Variants in TRIO observed in about 807,000 individuals in gnomAD.
TRIO encodes the protein trio Rho guanine nucleotide exchange factor.
Under a neutral mutation model 351.9 loss-of-function variants are expected in TRIO, and 58 were observed. The ratio of observed to expected loss-of-function variants is 0.16; its 90% CI spans 0.13 to 0.21. TRIO has a LOEUF of 0.21. TRIO is among the 10% of genes least tolerant of loss of function. The pLI, the probability that TRIO is intolerant of heterozygous loss-of-function variation, is 1.00. For synonymous variants in TRIO, 1,758 were observed against 1,595.7 expected (o/e 1.10, Z -2.42); for missense variants, 3,201 against 4,027.8 (o/e 0.79, Z 5.56).
chr5:14,193,560 C>T (rs186639116), intron 1 of TRIO, among the ~76,000 whole-genome samples: 108 of 152,144 alleles, frequency 7.1e-4, no homozygotes, highest in Middle Eastern at 3.4e-3. Context: ...GGAATCATTC[C>T]GTCATCTCAT....
At chr5:14,408,005 C>G (rs1399479993) in intron 33 of TRIO, among the ~76,000 whole-genome samples, 2 of 152,232 alleles carry the variant, frequency 1.3e-5, no homozygotes, top group Non-Finnish European at 1.5e-5. Flanking sequence ...AGTCAGACCT[C>G]ATTTCATGAG....
intron 3 of TRIO, among the ~76,000 whole-genome samples, chr5:14,285,193 G>A (rs781411436): frequency 3.3e-5 from 5 of 152,142 alleles, no homozygotes; most frequent in Non-Finnish European, 5.9e-5. Flanking sequence ...ATGGCATGAG[G>A]AGTATTTGAA....
intron 40 of TRIO, among the ~76,000 whole-genome samples, chr5:14,476,255 T>C (rs1755064940): frequency 6.6e-6 from 1 of 152,224 alleles, no homozygotes; most frequent in Non-Finnish European, 1.5e-5. Context: ...TATTTTTCAC[T>C]CATTATTCAG....
At position 14,290,976 on chromosome 5, in the gene TRIO, G is replaced by T. The variant is rs749392222; in HGVS notation, c.801G>T (p.Val267=). ...AACATTCTCAGCTGAAGAAGAAGGT[G>T]ATTAAGGCCCCCATCGAGGACCTGG... ...IEEHSQLKKK[V]IKAPIEDLDL... The change falls in exon 5 of 57, where the codon GTG becomes GTT. Residue 267 remains valine, a synonymous_variant. Coordinates refer to ENST00000344204, the MANE Select transcript of TRIO (RefSeq NM_007118.4). 1 of 1,614,184 alleles carries T rather than the reference G, an allele frequency of 6.2e-7. No homozygotes were observed. The highest frequency in any genetic ancestry group is 1.1e-5 in the South Asian group (1 of 91,084).
intron 11 of TRIO, among the ~76,000 whole-genome samples, chr5:14,345,619 G>T (rs1296908433): frequency 6.6e-6 from 1 of 152,176 alleles, no homozygotes; most frequent in Admixed American, 6.5e-5. Flanking sequence ...GGAGTGCAGT[G>T]GTGTGATCTT....
chr5:14,459,009 C>T (rs1019103972), intron 34 of TRIO, among the ~76,000 whole-genome samples: 1 of 152,090 alleles, frequency 6.6e-6, no homozygotes, highest in East Asian at 1.9e-4. Flanking sequence ...GACACACATA[C>T]AGAGGGGAAA....
At chr5:14,161,930 G>T (rs1788480723) in intron 1 of TRIO, among the ~76,000 whole-genome samples, 1 of 152,146 alleles carries the variant, frequency 6.6e-6, no homozygotes, top group African/African-American at 2.4e-5. Flanking sequence ...TGGAGGCCAG[G>T]CAGGTCTCAA....
intron 7 of TRIO, among the ~76,000 whole-genome samples, chr5:14,304,196 C>T (rs1738164620): frequency 6.6e-6 from 1 of 152,160 alleles, no homozygotes; most frequent in Non-Finnish European, 1.5e-5. Context: ...TCTAGGGGCA[C>T]ACCCAGACCT....
At chr5:14,311,951 G>T (rs937025878) in intron 8 of TRIO, among the ~76,000 whole-genome samples, 1 of 152,168 alleles carries the variant, frequency 6.6e-6, no homozygotes, top group Non-Finnish European at 1.5e-5. Flanking sequence ...AAAACACTGC[G>T]TTTGGACCTA....
At chr5:14,333,457 C>T (rs993826332) in intron 10 of TRIO, among the ~76,000 whole-genome samples, 2 of 152,160 alleles carry the variant, frequency 1.3e-5, no homozygotes, top group Non-Finnish European at 2.9e-5. Flanking sequence ...TTAATTTGCA[C>T]TGTAGATGTC....
chr5:14,323,535 T>C (rs900011676), intron 9 of TRIO, among the ~76,000 whole-genome samples: 17 of 120,658 alleles, frequency 1.4e-4, no homozygotes, highest in African/African-American at 5.1e-4. Flanking sequence ...GAGAGAGGAG[T>C]TTAGTCCTTT....
intron 53 of TRIO, among the ~76,000 whole-genome samples, chr5:14,501,221 T>C (rs1401345824): frequency 6.6e-6 from 1 of 152,210 alleles, no homozygotes; most frequent in Non-Finnish European, 1.5e-5. Flanking sequence ...TTAATGCTTC[T>C]CTCTCAGTAC....
chr5:14,267,187 C>G (rs942752003), intron 1 of TRIO, among the ~76,000 whole-genome samples: 5 of 152,182 alleles, frequency 3.3e-5, no homozygotes, highest in Middle Eastern at 3.2e-3. Flanking sequence ...TCTTCTTTGT[C>G]TAGGCTTTCT....
intron 34 of TRIO, among the ~76,000 whole-genome samples, chr5:14,429,298 A>T (rs1750903522): frequency 6.6e-6 from 1 of 152,232 alleles, no homozygotes; most frequent in Non-Finnish European, 1.5e-5. Flanking sequence ...AGTGTGTGCC[A>T]GACAGACCCG....
Position 14,364,783 on chromosome 5 carries a change from G to A in TRIO, c.2721G>A (p.Val907=), listed in dbSNP as rs894550349. The stretch of plus-strand genomic sequence containing the variant: ...ATCGGAAACACCTGGAGCAGTGCGT[G>A]CAGCTGCGCCACCTGCAGGCAGAAG... ...EQHRKHLEQC[V]QLRHLQAEVK... The change falls in exon 15 of 57, where the codon GTG becomes GTA. Residue 907 remains valine, a synonymous_variant. Transcript: ENST00000344204. The A allele has an allele frequency of 8.1e-6, 13 of 1,611,546 alleles. No individual in the cohort carries two copies. In the African/African-American group the frequency reaches 1.7e-4, roughly 22 times the overall value.
At chr5:14,464,431 T>C (rs1375080748) in intron 36 of TRIO, among the ~76,000 whole-genome samples, 1 of 152,228 alleles carries the variant, frequency 6.6e-6, no homozygotes, top group Non-Finnish European at 1.5e-5. Flanking sequence ...CTGTAGTGAT[T>C]TTCCCACACA....
At chr5:14,382,385 C>G (rs1355462181) in intron 21 of TRIO, among the ~76,000 whole-genome samples, 2 of 152,250 alleles carry the variant, frequency 1.3e-5, no homozygotes, top group Admixed American at 6.5e-5. Flanking sequence ...GTCCCCAAAG[C>G]TCTCCTTTCC....
chr5:14,495,727 G>A (rs1223327540), intron 49 of TRIO, among the ~76,000 whole-genome samples: 1 of 147,780 alleles, frequency 6.8e-6, no homozygotes, highest in African/African-American at 2.5e-5. Flanking sequence ...CCAGCAGTTT[G>A]GGAGGCCAAG....
At chr5:14,385,177 C>T (rs1304191371) in intron 21 of TRIO, among the ~76,000 whole-genome samples, 1 of 152,228 alleles carries the variant, frequency 6.6e-6, no homozygotes, top group African/African-American at 2.4e-5. Flanking sequence ...TTCCTGCCCC[C>T]TCGCACTCCT....
Sources: gnomAD v4.1 joint callset for allele counts (sites outside exome capture counted in the v4.1 genomes callset) on GRCh38, gnomAD v4.1.1 for gene constraint, MANE v1.5 for transcripts, NCBI Gene and HGNC (gene_info 2026-07-23, HGNC 2026-07-21) for gene names.